TRERF1: variants seen among roughly 807,000 people sequenced by gnomAD.
TRERF1 encodes transcriptional-regulating factor 1.
A neutral mutation model predicts 122.9 loss-of-function variants in TRERF1; 27 were observed. The observed-to-expected ratio is 0.22, with a 90% confidence interval of 0.16 to 0.30. The LOEUF (loss-of-function observed/expected upper bound fraction) is 0.30, where lower values mean the gene tolerates loss of function less well. TRERF1 is among the 10% of genes least tolerant of loss of function. TRERF1 has a pLI of 1.00. For synonymous variants in TRERF1, 636 were observed against 641.7 expected (o/e 0.99, Z 0.13); for missense variants, 1,248 against 1,560.3 (o/e 0.80, Z 3.37).
intron 3 of TRERF1, among the ~76,000 whole-genome samples, chr6:42,317,767 T>A (rs797004877): frequency 6.0e-4 from 92 of 152,248 alleles, no homozygotes; most frequent in African/African-American, 2.1e-3. Flanking sequence ...GAGAATTATT[T>A]TTTTTTTTGC....
chr6:42,244,034 G>A (rs188781928), intron 14 of TRERF1, among the ~76,000 whole-genome samples: 5 of 146,814 alleles, frequency 3.4e-5, no homozygotes, highest in African/African-American at 7.6e-5. Context: ...ACCCGCCACC[G>A]CACCTGGCTC....
At chr6:42,418,239 A>ATTTT (rs1782175623) in intron 2 of TRERF1, among the ~76,000 whole-genome samples, 3 of 8,116 alleles carry the variant, frequency 3.7e-4, no homozygotes, top group Admixed American at 2.0e-3. Context: ...TTTTTTTTTG[A>ATTTT]GATGGAGTTT....
intron 3 of TRERF1, among the ~76,000 whole-genome samples, chr6:42,339,736 G>T (rs1199356829): frequency 6.6e-6 from 1 of 152,196 alleles, no homozygotes; most frequent in Non-Finnish European, 1.5e-5. Flanking sequence ...TGAACAAGTA[G>T]CTCTCCTGAG....
At chr6:42,342,654 G>GTT (rs1767506944) in intron 3 of TRERF1, among the ~76,000 whole-genome samples, 1 of 152,184 alleles carries the variant, frequency 6.6e-6, no homozygotes, top group South Asian at 2.1e-4. Flanking sequence ...CTTCTACAGT[G>GTT]TTATCCACAA....
At position 42,228,752 on chromosome 6, in the gene TRERF1, G is replaced by A; in HGVS notation, c.3279-83C>T. ...ATCCAGGTGTCCTACGGGGAATGGGGGTGTGTGGTCTGACAAAGTCCCTGG... is the reference window on the plus strand; with the variant it reads ...ATCCAGGTGTCCTACGGGGAATGGGAGTGTGTGGTCTGACAAAGTCCCTGG... On this transcript the variant is annotated intron_variant, in intron 17 of 17. Transcript: ENST00000372922. This position sits in a 1 kb window ranked among gnomAD's most constrained non-coding sequence, Gnocchi z 4.2. 5 of 1,400,468 alleles carry A rather than the reference G, an allele frequency of 3.6e-6. No homozygotes were observed. In the South Asian group the frequency reaches 7.0e-5, roughly 20 times the overall value. The allele number at this position is 1,400,468 out of a possible 1,614,324, so 86.8% of individuals were successfully genotyped here.
At chr6:42,303,461 G>A (rs1016095172) in intron 3 of TRERF1, among the ~76,000 whole-genome samples, 1 of 152,192 alleles carries the variant, frequency 6.6e-6, no homozygotes, top group Admixed American at 6.5e-5. Context: ...TAGAGAGCAA[G>A]GGTGCTGCTG....
chr6:42,361,301 G>A (rs1281526732), intron 3 of TRERF1, among the ~76,000 whole-genome samples: 7 of 152,198 alleles, frequency 4.6e-5, no homozygotes, highest in Non-Finnish European at 1.0e-4. Context: ...AATATGATTT[G>A]TTGGTGGTTA....
chr6:42,429,982 A>AT (rs1784241570), intron 2 of TRERF1, among the ~76,000 whole-genome samples: 1 of 152,122 alleles, frequency 6.6e-6, no homozygotes, highest in South Asian at 2.1e-4. Flanking sequence ...AGCAATGCAG[A>AT]TGAGTATCTA....
chr6:42,246,620 T>C (rs1774850981), intron 13 of TRERF1, 76 bp from the exon 14 acceptor site: 6 of 1,072,620 alleles, frequency 5.6e-6, no homozygotes, highest in Non-Finnish European at 6.9e-6. Context: ...TTTAGTTAAG[T>C]TACAAAATAC....
At chr6:42,265,936 T>G in intron 5 of TRERF1, 139 bp from the exon 6 acceptor site, 1 of 843,246 alleles carries the variant, frequency 1.2e-6, no homozygotes, top group Non-Finnish European at 1.9e-6. Flanking sequence ...ACCCCATTCA[T>G]GTCCACTCAC....
Position 42,248,563 on chromosome 6 carries a change from G to C in TRERF1, c.2657-2019C>G, listed in dbSNP as rs113471084. On this transcript the variant is annotated intron_variant, in intron 13 of 17. Transcript: ENST00000372922. ...AGATGGGGATTCACCAAGTTGGCCAGGCTGGCCTTAGCTCCTGACCTGAAG... is the reference window on the plus strand; with the variant it reads ...AGATGGGGATTCACCAAGTTGGCCACGCTGGCCTTAGCTCCTGACCTGAAG... Among the ~76,000 whole-genome samples the C allele has an allele frequency of 4.6e-3, 705 of 152,260 alleles. 5 individuals are homozygous for C. Among genetic ancestry groups the C allele is most frequent in the African/African-American group, 0.014 (598 of 41,542 alleles).
intron 2 of TRERF1, among the ~76,000 whole-genome samples, chr6:42,438,609 CA>C (rs199739271): frequency 1.5e-3 from 154 of 105,956 alleles, no homozygotes; most frequent in Admixed American, 2.1e-3. Context: ...GACTCTGTCT[CA>C]AAAAAAAAAA....
chr6:42,344,431 T>C (rs1767886809), intron 3 of TRERF1, among the ~76,000 whole-genome samples: 1 of 152,154 alleles, frequency 6.6e-6, no homozygotes, highest in Non-Finnish European at 1.5e-5. Flanking sequence ...CCAGAGAAGA[T>C]GAGTTATTTA....
chr6:42,299,130 CTATCTACATATATATA>C (rs1785641611), intron 4 of TRERF1, among the ~76,000 whole-genome samples: 1 of 129,578 alleles, frequency 7.7e-6, no homozygotes, highest in Non-Finnish European at 1.7e-5. Flanking sequence ...ATCTATCTAT[CTATCTACATATATATA>C]TATATCTAGC....
intron 17 of TRERF1, among the ~76,000 whole-genome samples, chr6:42,230,396 G>A (rs1349843495): frequency 6.6e-6 from 1 of 151,980 alleles, no homozygotes; most frequent in Non-Finnish European, 1.5e-5. Flanking sequence ...ACTGAGACAT[G>A]GCTGGGAAAC....
At position 42,243,729 on chromosome 6, in the gene TRERF1, C is replaced by T. The variant is rs191096255; in HGVS notation, c.2746-368G>A. ...CCGAGTAGCTGGGACTACAGGCATC[C>T]GCCACCATGCCCGGCTAATTTTTTG... On this transcript the variant is annotated intron_variant, in intron 14 of 17. Transcript: ENST00000372922. 9.5e-4 allele frequency among the ~76,000 whole-genome samples: 144 copies of T among 151,920 alleles called. No individual in the cohort carries two copies. The Middle Eastern group carries it at 0.01, about 11-fold the overall frequency.
At chr6:42,245,982 C>T (rs893253707) in intron 14 of TRERF1, among the ~76,000 whole-genome samples, 1 of 152,146 alleles carries the variant, frequency 6.6e-6, no homozygotes, top group African/African-American at 2.4e-5. Context: ...GTGGTGCATG[C>T]CTGTAATCCC....
intron 2 of TRERF1, among the ~76,000 whole-genome samples, chr6:42,376,635 C>A (rs570173734): frequency 1.4e-5 from 2 of 147,850 alleles, no homozygotes; most frequent in African/African-American, 5.1e-5. Flanking sequence ...GTCTGCCTCT[C>A]GGGTTCAAGC....
chr6:42,277,974 A>AGAAGAAGAAGAG (rs1161319382), intron 4 of TRERF1, among the ~76,000 whole-genome samples: 1 of 147,002 alleles, frequency 6.8e-6, no homozygotes, highest in South Asian at 2.1e-4. Flanking sequence ...AAGAAGAAGA[A>AGAAGAAGAAGAG]GACTGCAATA....
Sources: gnomAD v4.1 joint callset for allele counts (sites outside exome capture counted in the v4.1 genomes callset) on GRCh38, gnomAD v4.1.1 for gene constraint, Gnocchi (gnomAD v3.1) non-coding constraint, MANE v1.5 for transcripts, NCBI Gene and HGNC (gene_info 2026-07-23, HGNC 2026-07-21) for gene names.